Variants in LANCL3 observed in about 807,000 individuals in gnomAD.
The protein encoded by LANCL3 is LanC like family member 3.
A neutral mutation model predicts 26.5 loss-of-function variants in LANCL3; 19 were observed. The observed-to-expected ratio is 0.72, with a 90% confidence interval of 0.50 to 1.05. The LOEUF (loss-of-function observed/expected upper bound fraction) is 1.05, where lower values mean the gene tolerates loss of function less well. Ranked by LOEUF, LANCL3 falls within the 50% of genes least tolerant of loss-of-function variation. The pLI is 0.00. For synonymous variants in LANCL3, 160 were observed against 166.6 expected, an observed-to-expected ratio of 0.96 and a Z score of 0.30; for missense variants, 318 against 362.7, an observed-to-expected ratio of 0.88 and a Z score of 1.00.
At chrX:37,643,392 T>A (rs1168093643) in intron 1 of LANCL3, among the ~76,000 whole-genome samples, 1 of 112,086 alleles carries the variant, frequency 8.9e-6, no homozygotes, top group Non-Finnish European at 1.9e-5. Context: ...GATTTATAAA[T>A]GTCATAAAGA....
rs782369827 is a variant in LANCL3, at chrX:37,587,979, G to GT, written c.573+15542dup. Among the ~76,000 whole-genome samples, 10 of 112,482 alleles carry GT rather than the reference G, an allele frequency of 8.9e-5. No individual in the cohort carries two copies. In the East Asian group the frequency reaches 2.8e-3, roughly 31 times the overall value. ...TTATTTAAAGAGAACATAGTTCGTA[G>GT]TTTTTTGTTACAGAGTAAATGGAAA... On this transcript the variant is annotated intron_variant, in intron 1 of 4. Coordinates refer to ENST00000378619, the MANE Select transcript of LANCL3 (RefSeq NM_001170331.2).
intron 1 of LANCL3, among the ~76,000 whole-genome samples, chrX:37,646,431 A>G (rs1473203244): frequency 8.9e-6 from 1 of 112,365 alleles, no homozygotes; most frequent in Non-Finnish European, 1.9e-5. Context: ...GATTTCCTGA[A>G]AGGCCTGGCT....
At chrX:37,641,830 A>G (rs980988763) in intron 1 of LANCL3, among the ~76,000 whole-genome samples, 4 of 112,091 alleles carry the variant, frequency 3.6e-5, no homozygotes, top group Admixed American at 1.9e-4. Context: ...GTAGTACATA[A>G]TAGAGTCACT....
intron 1 of LANCL3, among the ~76,000 whole-genome samples, chrX:37,603,352 A>G (rs1924622977): frequency 8.9e-6 from 1 of 111,813 alleles, no homozygotes; most frequent in African/African-American, 3.3e-5. Flanking sequence ...GCTGTATTCT[A>G]ACTTCCCATT....
chrX:37,633,700 AC>A (rs1460112848), intron 1 of LANCL3, among the ~76,000 whole-genome samples: 1 of 111,498 alleles, frequency 9.0e-6, no homozygotes, highest in Non-Finnish European at 1.9e-5. Context: ...TCCACTCCAG[AC>A]CCTGTTTGCC....
intron 1 of LANCL3, among the ~76,000 whole-genome samples, chrX:37,607,076 G>A (rs908044222): frequency 8.9e-6 from 1 of 112,149 alleles, no homozygotes; most frequent in African/African-American, 3.2e-5. Context: ...CTGGCTTGGG[G>A]GGATCATTTG....
intron 1 of LANCL3, among the ~76,000 whole-genome samples, chrX:37,633,012 T>C (rs1172674282): frequency 8.9e-6 from 1 of 111,911 alleles, no homozygotes; most frequent in African/African-American, 3.3e-5. Context: ...CCTTGCTAGA[T>C]TGGGGAAGTT....
chrX:37,666,799 T>A (rs1395486781), intron 3 of LANCL3, among the ~76,000 whole-genome samples: 2 of 112,290 alleles, frequency 1.8e-5, no homozygotes, highest in African/African-American at 6.5e-5. Flanking sequence ...GTTTTGCTTT[T>A]AAGAAAATGT....
chrX:37,660,196 C>G (rs1868249073), intron 3 of LANCL3, among the ~76,000 whole-genome samples: 1 of 111,474 alleles, frequency 9.0e-6, no homozygotes, highest in African/African-American at 3.3e-5. Context: ...CCTGGCAATT[C>G]AAAATGTGGC....
chrX:37,581,057 C>T (rs1255274900), intron 1 of LANCL3, among the ~76,000 whole-genome samples: 4 of 112,162 alleles, frequency 3.6e-5, no homozygotes, highest in Non-Finnish European at 5.6e-5. Context: ...GAGTGTGGCT[C>T]ATGATTCTGC....
At chrX:37,662,857 A>G (rs1186128569) in intron 3 of LANCL3, among the ~76,000 whole-genome samples, 1 of 103,473 alleles carries the variant, frequency 9.7e-6, no homozygotes, top group Non-Finnish European at 2.0e-5. Flanking sequence ...TGTGGCTTCC[A>G]TTATGCTGGG....
chrX:37,615,198 G>A (rs1924974870), intron 1 of LANCL3, among the ~76,000 whole-genome samples: 1 of 111,614 alleles, frequency 9.0e-6, no homozygotes, highest in Admixed American at 9.5e-5. Context: ...GCGCGTAGAA[G>A]TCCCCAGGGG....
rs1569471917 is a variant in LANCL3, at chrX:37,683,350, T to C, written c.*7537T>C. The C allele has an allele frequency of 8.9e-6, 1 of 111,921 alleles. No homozygotes were observed. The highest frequency in any genetic ancestry group is 1.9e-5 in the Non-Finnish European group (1 of 53,121). The allele number at this position is 111,921 out of a possible 1,213,427, so 9.2% of individuals were successfully genotyped here. On this transcript the variant is annotated 3_prime_UTR_variant, in exon 5 of 5. Transcript: ENST00000378619. ...TATTATTTAAAGTACTACTGAATTT[T>C]GAGGAACTGATCAAAGAATTAGTAT... is the stretch of plus-strand genomic sequence containing the variant.
At chrX:37,652,425 A>G (rs1441323322) in intron 1 of LANCL3, among the ~76,000 whole-genome samples, 1 of 112,130 alleles carries the variant, frequency 8.9e-6, no homozygotes, top group Admixed American at 9.4e-5. Flanking sequence ...GGCCAAACCA[A>G]TAGGAATATT....
intron 1 of LANCL3, among the ~76,000 whole-genome samples, chrX:37,626,365 G>C (rs1413592301): frequency 8.9e-6 from 1 of 112,104 alleles, no homozygotes; most frequent in Non-Finnish European, 1.9e-5. Flanking sequence ...CAGAAGATAG[G>C]TGTGTGATTT....
At chrX:37,622,802 C>T (rs782097487) in intron 1 of LANCL3, among the ~76,000 whole-genome samples, 64 of 111,982 alleles carry the variant, frequency 5.7e-4, no homozygotes, top group African/African-American at 1.9e-3. Context: ...TTCTAAATCC[C>T]TTCTCCAACT....
intron 1 of LANCL3, among the ~76,000 whole-genome samples, chrX:37,647,249 GC>G (rs1926010387): frequency 9.0e-6 from 1 of 111,256 alleles, no homozygotes; most frequent in African/African-American, 3.3e-5. Flanking sequence ...GGGAGACAGA[GC>G]TTGCAGTGAG....
intron 1 of LANCL3, among the ~76,000 whole-genome samples, chrX:37,631,755 A>G (rs1556424387): frequency 1.8e-5 from 2 of 110,638 alleles, no homozygotes; most frequent in African/African-American, 6.6e-5. Flanking sequence ...CATGTAGTTG[A>G]GCGGTTTTGA....
At chrX:37,610,277 G>A (rs1441031491) in intron 1 of LANCL3, among the ~76,000 whole-genome samples, 2 of 111,596 alleles carry the variant, frequency 1.8e-5, no homozygotes, top group Admixed American at 9.5e-5. Flanking sequence ...TGAATTAAGT[G>A]AGCATCCTAA....
Sources: gnomAD v4.1 joint callset for allele counts (sites outside exome capture counted in the v4.1 genomes callset) on GRCh38, gnomAD v4.1.1 for gene constraint, MANE v1.5 for transcripts, NCBI Gene and HGNC (gene_info 2026-07-23, HGNC 2026-07-21) for gene names.